Variants in HS3ST4 observed in about 807,000 individuals in gnomAD.
The protein encoded by HS3ST4 is heparan sulfate-glucosamine 3-sulfotransferase 4, also known as heparan sulfate glucosamine 3-O-sulfotransferase 4.
A neutral mutation model predicts 29.2 loss-of-function variants in HS3ST4; 17 were observed. The ratio of observed to expected loss-of-function variants is 0.58; its 90% CI spans 0.40 to 0.87. HS3ST4 has a LOEUF of 0.87. Among genes scored for constraint, HS3ST4 ranks in the 40% least tolerant of loss-of-function variants. HS3ST4 has a pLI of 0.00. For synonymous variants in HS3ST4, 314 were observed against 285.7 expected, an observed-to-expected ratio of 1.10 and a Z score of -1.00; for missense variants, 627 against 634.5, an observed-to-expected ratio of 0.99 and a Z score of 0.13.
intron 1 of HS3ST4, among the ~76,000 whole-genome samples, chr16:25,955,913 C>T (rs1173516581): frequency 5.3e-5 from 8 of 151,090 alleles, no homozygotes; most frequent in Non-Finnish European, 1.2e-4. Flanking sequence ...CTCCTGGGTT[C>T]AAGCAATTCT....
intron 1 of HS3ST4, among the ~76,000 whole-genome samples, chr16:26,094,508 C>T (rs1281943404): frequency 6.6e-6 from 1 of 152,176 alleles, no homozygotes; most frequent in Non-Finnish European, 1.5e-5. Flanking sequence ...CATATCCAAC[C>T]AAACTAAGCT....
At chr16:25,872,123 A>G (rs758831551) in intron 1 of HS3ST4, among the ~76,000 whole-genome samples, 4 of 152,206 alleles carry the variant, frequency 2.6e-5, no homozygotes, top group Non-Finnish European at 5.9e-5. Flanking sequence ...TGCTGAATAA[A>G]TTATTTAAAA....
chr16:26,029,300 G>T (rs909093285), intron 1 of HS3ST4, among the ~76,000 whole-genome samples: 1 of 152,208 alleles, frequency 6.6e-6, no homozygotes, highest in East Asian at 1.9e-4. Context: ...AGCCACAGGG[G>T]CCCTGCACTT....
chr16:26,066,387 A>AT (rs1404147612), intron 1 of HS3ST4, among the ~76,000 whole-genome samples: 2 of 152,328 alleles, frequency 1.3e-5, no homozygotes, highest in East Asian at 3.9e-4. Context: ...CATTTTAATG[A>AT]TGTTATTGAG....
intron 1 of HS3ST4, among the ~76,000 whole-genome samples, chr16:25,961,050 T>A (rs942979981): frequency 6.6e-6 from 1 of 152,232 alleles, no homozygotes; most frequent in Non-Finnish European, 1.5e-5. Context: ...TTACATAGAC[T>A]GGCATGTTCT....
chr16:25,802,688 A>C (rs1054266053), intron 1 of HS3ST4, among the ~76,000 whole-genome samples: 13 of 152,116 alleles, frequency 8.5e-5, no homozygotes, highest in African/African-American at 2.7e-4. Context: ...CTTAAAATCA[A>C]TACAGTATTG....
chr16:25,871,097 C>A (rs1219546125), intron 1 of HS3ST4, among the ~76,000 whole-genome samples: 1 of 152,066 alleles, frequency 6.6e-6, no homozygotes, highest in African/African-American at 2.4e-5. Flanking sequence ...GATGCAGAAG[C>A]AGATGACAAT....
chr16:25,810,324 G>C (rs1967030567), intron 1 of HS3ST4, among the ~76,000 whole-genome samples: 1 of 152,096 alleles, frequency 6.6e-6, no homozygotes, highest in Non-Finnish European at 1.5e-5. Context: ...GGAGAAGATA[G>C]TTTGTATGAG....
chr16:26,071,591 G>T (rs1295144924), intron 1 of HS3ST4, among the ~76,000 whole-genome samples: 1 of 152,172 alleles, frequency 6.6e-6, no homozygotes, highest in Non-Finnish European at 1.5e-5. Flanking sequence ...TAATAAAAAT[G>T]TGATGCAATA....
intron 1 of HS3ST4, among the ~76,000 whole-genome samples, chr16:25,822,889 C>T (rs1967176109): frequency 1.3e-5 from 2 of 152,032 alleles, no homozygotes; most frequent in African/African-American, 4.8e-5. Context: ...AGGCGTGCAC[C>T]ACCACCCCTG....
At chr16:26,068,268 A>G (rs1030473128) in intron 1 of HS3ST4, among the ~76,000 whole-genome samples, 4 of 152,216 alleles carry the variant, frequency 2.6e-5, no homozygotes, top group Non-Finnish European at 4.4e-5. Flanking sequence ...TGAGGAAGAC[A>G]TTGCCACATT....
In HS3ST4 at chr16:25,812,717, T is replaced by G. The variant is rs562833385; in HGVS notation, c.734+119566T>G. Among the ~76,000 whole-genome samples the G allele has an allele frequency of 6.2e-5, 9 of 144,756 alleles. No homozygotes were observed. In the South Asian group the frequency reaches 1.5e-3, roughly 25 times the overall value. The allele number at this position is 144,756 out of a possible 152,430, so 95.0% of individuals were successfully genotyped here. On this transcript the variant is annotated intron_variant, in intron 1 of 1. Transcript: ENST00000331351. Reference sequence around the variant, plus strand: ...CAAAGTACTTCCTTTTTTTTTTTTGTTCTTGAGACAGAGTTTTGCTGTTAC... The same window carrying G: ...CAAAGTACTTCCTTTTTTTTTTTTGGTCTTGAGACAGAGTTTTGCTGTTAC...
intron 1 of HS3ST4, among the ~76,000 whole-genome samples, chr16:26,061,826 A>T (rs1449187986): frequency 6.6e-6 from 1 of 152,212 alleles, no homozygotes; most frequent in Non-Finnish European, 1.5e-5. Flanking sequence ...GGCAAGATGG[A>T]ACCAGCAACT....
At chr16:25,911,957 C>T (rs897228716) in intron 1 of HS3ST4, among the ~76,000 whole-genome samples, 12 of 152,058 alleles carry the variant, frequency 7.9e-5, no homozygotes, top group Admixed American at 1.3e-4. Flanking sequence ...AAATGCAGCA[C>T]GGAACAGGAA....
intron 1 of HS3ST4, among the ~76,000 whole-genome samples, chr16:25,811,231 CTCCACCTCT>C (rs1176333127): frequency 6.6e-6 from 1 of 151,986 alleles, no homozygotes; most frequent in African/African-American, 2.4e-5. Flanking sequence ...CTTCCATCTG[CTCCACCTCT>C]TCCACCTCTG....
At chr16:26,088,016 T>C (rs1206971765) in intron 1 of HS3ST4, among the ~76,000 whole-genome samples, 1 of 152,180 alleles carries the variant, frequency 6.6e-6, no homozygotes, top group Non-Finnish European at 1.5e-5. Flanking sequence ...CTTGCAATGA[T>C]TTTCTAGTTC....
intron 1 of HS3ST4, among the ~76,000 whole-genome samples, chr16:25,782,987 C>G (rs950783071): frequency 1.3e-5 from 2 of 152,140 alleles, no homozygotes; most frequent in Admixed American, 6.5e-5. Flanking sequence ...TAATCGGCAT[C>G]TTCTTTCCCC....
At chr16:26,103,945 T>C (rs1899019353) in intron 1 of HS3ST4, among the ~76,000 whole-genome samples, 1 of 152,128 alleles carries the variant, frequency 6.6e-6, no homozygotes, top group Non-Finnish European at 1.5e-5. Context: ...AAATACACAC[T>C]CACACACGAA....
At chr16:25,730,601 CTTCT>C (rs1379844922) in intron 1 of HS3ST4, among the ~76,000 whole-genome samples, 1 of 136,656 alleles carries the variant, frequency 7.3e-6, no homozygotes, top group Non-Finnish European at 1.6e-5. Context: ...TCCTTCCTTC[CTTCT>C]TTCCTTCTCT....
Sources: gnomAD v4.1 joint callset for allele counts (sites outside exome capture counted in the v4.1 genomes callset) on GRCh38, gnomAD v4.1.1 for gene constraint, MANE v1.5 for transcripts, NCBI Gene and HGNC (gene_info 2026-07-23, HGNC 2026-07-21) for gene names.